Variants in RSPO4 observed in about 807,000 individuals in gnomAD.
The protein encoded by RSPO4 is R-spondin 4.
A neutral mutation model predicts 24.8 loss-of-function variants in RSPO4; 23 were observed. The ratio of observed to expected loss-of-function variants is 0.93; its 90% CI spans 0.67 to 1.31. The LOEUF (loss-of-function observed/expected upper bound fraction) is 1.31. RSPO4 is among the 40% of genes most tolerant of loss of function. The pLI, the probability that RSPO4 is intolerant of heterozygous loss-of-function variation, is 0.00. For missense variants in RSPO4, 333 were observed against 316.5 expected, an observed-to-expected ratio of 1.05 and a Z score of -0.39; for synonymous variants, 141 against 127.4, an observed-to-expected ratio of 1.11 and a Z score of -0.72.
intron 1 of RSPO4, among the ~76,000 whole-genome samples, chr20:986,501 A>G (rs1423837722): frequency 2.6e-5 from 4 of 152,090 alleles, no homozygotes; most frequent in African/African-American, 9.7e-5. Flanking sequence ...ATGGGGAAGC[A>G]GTGATGGGAA....
At chr20:987,977 G>A (rs1269582437) in intron 1 of RSPO4, among the ~76,000 whole-genome samples, 1 of 152,252 alleles carries the variant, frequency 6.6e-6, no homozygotes, top group Non-Finnish European at 1.5e-5. Context: ...GATCATTTCA[G>A]AGAACGACAG....
intron 1 of RSPO4, among the ~76,000 whole-genome samples, chr20:997,890 T>G (rs1204495536): frequency 6.6e-6 from 1 of 152,186 alleles, no homozygotes; most frequent in African/African-American, 2.4e-5. Context: ...TTAACCCACG[T>G]GAGACCCCAC....
In RSPO4 at chr20:967,321, T is replaced by C; in HGVS notation, c.269-7A>G. 6.2e-7 allele frequency: 1 copy of C among 1,613,984 alleles called. No individual in the cohort carries two copies. Among genetic ancestry groups the C allele is most frequent in the Non-Finnish European group, 8.5e-7 (1 of 1,180,010 alleles). ...TCACAAGTGGCCCCACATTCTGTAA[T>C]AGAGCCAGGGACACCCCAGGTGAGG... On this transcript the variant is annotated splice_polypyrimidine_tract_variant and splice_region_variant and intron_variant, in intron 2 of 4. Coordinates refer to ENST00000217260, the MANE Select transcript of RSPO4 (RefSeq NM_001029871.4).
chr20:967,860 CTCTG>C (rs1180099649), intron 2 of RSPO4, 86 bp downstream of exon 2: 3 of 1,294,690 alleles, frequency 2.3e-6, no homozygotes, highest in Middle Eastern at 1.9e-4. Context: ...CCTACTTCCC[CTCTG>C]TCTGTGCTGG....
At position 1,000,018 on chromosome 20, in the gene RSPO4, G is replaced by A. The variant is rs537190620; in HGVS notation, c.79+2068C>T. 1.5e-3 allele frequency among the ~76,000 whole-genome samples: 228 copies of A among 152,062 alleles called. No individual in the cohort carries two copies. In the Middle Eastern group the frequency reaches 0.017, roughly 11 times the overall value. On this transcript the variant is annotated intron_variant, in intron 1 of 4. Transcript: ENST00000217260. The stretch of plus-strand genomic sequence containing the variant: ...CAAGTAGCTGGAATTACAGGCGCCC[G>A]CCACCACACCCAGCTAATCATTGTA...
intron 3 of RSPO4, among the ~76,000 whole-genome samples, chr20:966,284 G>A (rs59503300): frequency 0.18 from 27,938 of 152,092 alleles, 5,719 homozygotes; most frequent in African/African-American, 0.51. Flanking sequence ...AGGCAGGAGT[G>A]TGACAAGGAG....
chr20:968,013 A>C lies in RSPO4; in HGVS notation c.205T>G (p.Cys69Gly). The change falls in exon 2 of 5, where the codon TGC (cysteine) becomes GGC (glycine). Residue 69 changes from cysteine to glycine, a missense_variant. Coordinates refer to ENST00000217260, the MANE Select transcript of RSPO4 (RefSeq NM_001029871.4). ...TACCCAGGGGGACAGTCGTGCAGGC[A>C]CTTGCCGTACTGGCGGATGCCTTCC... The part of the protein sequence containing the change: ...RREGIRQYGK[C>G]LHDCPPGYFG... 1 of 1,614,240 alleles carries C rather than the reference A, an allele frequency of 6.2e-7. No homozygotes were observed. Among genetic ancestry groups the C allele is most frequent in the Non-Finnish European group, 8.5e-7 (1 of 1,180,044 alleles).
chr20:996,436 C>A (rs540560866), intron 1 of RSPO4, among the ~76,000 whole-genome samples: 1 of 152,338 alleles, frequency 6.6e-6, no homozygotes, highest in East Asian at 1.9e-4. Context: ...CCCTCTTTGT[C>A]TTGGATTCCT....
intron 1 of RSPO4, among the ~76,000 whole-genome samples, chr20:978,921 T>C (rs1421513832): frequency 6.6e-6 from 1 of 151,978 alleles, no homozygotes; most frequent in African/African-American, 2.4e-5. Flanking sequence ...AAGGGGCTAA[T>C]GGATAAGACC....
At chr20:992,230 C>T (rs1418696067) in intron 1 of RSPO4, among the ~76,000 whole-genome samples, 1 of 151,484 alleles carries the variant, frequency 6.6e-6, no homozygotes, top group Non-Finnish European at 1.5e-5. Flanking sequence ...CCTCACTGCC[C>T]CATCCTCACT....
intron 1 of RSPO4, among the ~76,000 whole-genome samples, chr20:980,603 G>A (rs1208052876): frequency 2.6e-5 from 4 of 152,156 alleles, no homozygotes; most frequent in Admixed American, 2.0e-4. Flanking sequence ...AAAATTACCT[G>A]CTAAGTTGCA....
At chr20:990,026 A>G (rs1267574916) in intron 1 of RSPO4, among the ~76,000 whole-genome samples, 1 of 152,208 alleles carries the variant, frequency 6.6e-6, no homozygotes, top group East Asian at 1.9e-4. Context: ...CTCCATTGGC[A>G]GGGATGAGAA....
intron 4 of RSPO4, among the ~76,000 whole-genome samples, chr20:961,967 C>G (rs995685247): frequency 6.6e-6 from 1 of 152,034 alleles, no homozygotes; most frequent in Admixed American, 6.6e-5. Flanking sequence ...CATCCACCCA[C>G]CTACCCTCCC....
intron 1 of RSPO4, among the ~76,000 whole-genome samples, chr20:992,754 T>G (rs1985151813): frequency 6.6e-6 from 1 of 152,090 alleles, no homozygotes. Flanking sequence ...AGCCCAAATC[T>G]CACACTCCCT....
chr20:970,177 G>C lies in RSPO4; in HGVS notation c.80-2039C>G, dbSNP rs960663949. ...CCAGTCCTGGGAGTGGGACACAAGA[G>C]TGAGGGTCACACAGAAATGGGGTTC... is the stretch of plus-strand genomic sequence containing the variant. On this transcript the variant is annotated intron_variant, in intron 1 of 4. Coordinates refer to ENST00000217260, the MANE Select transcript of RSPO4 (RefSeq NM_001029871.4). The surrounding 1 kb of genome is among the most constrained non-coding windows in gnomAD (Gnocchi z 4.1). Among the ~76,000 whole-genome samples the C allele has an allele frequency of 2.0e-5, 3 of 152,186 alleles. No individual in the cohort carries two copies. Among genetic ancestry groups the C allele is most frequent in the African/African-American group, 7.2e-5 (3 of 41,450 alleles).
chr20:969,010 A>T (rs559985844), intron 1 of RSPO4, among the ~76,000 whole-genome samples: 2 of 152,308 alleles, frequency 1.3e-5, no homozygotes, highest in Admixed American at 1.3e-4. Flanking sequence ...GGAGGGACTC[A>T]TGGGAGTTAG....
At chr20:999,924 A>C (rs1420860148) in intron 1 of RSPO4, among the ~76,000 whole-genome samples, 2 of 152,014 alleles carry the variant, frequency 1.3e-5, no homozygotes, top group Non-Finnish European at 2.9e-5. Context: ...GCTGGAGTGC[A>C]GTGGCATGAT....
intron 1 of RSPO4, among the ~76,000 whole-genome samples, chr20:976,420 C>A (rs1984562228): frequency 1.3e-5 from 2 of 152,192 alleles, no homozygotes; most frequent in Admixed American, 1.3e-4. Context: ...AGGTGAAGGG[C>A]AGGCTTATTC....
intron 3 of RSPO4, among the ~76,000 whole-genome samples, chr20:966,817 T>G (rs1230113643): frequency 1.3e-5 from 2 of 152,164 alleles, no homozygotes; most frequent in Non-Finnish European, 2.9e-5. Flanking sequence ...ATCATGCCAC[T>G]GCACTCCAGC....
Sources: allele counts gnomAD v4.1 joint callset (sites outside exome capture counted in the v4.1 genomes callset), GRCh38; gene constraint gnomAD v4.1.1; non-coding constraint Gnocchi (gnomAD v3.1); transcripts MANE v1.5; gene names NCBI Gene and HGNC (gene_info 2026-07-23, HGNC 2026-07-21).